Variants in TRMT9B observed in about 807,000 individuals in gnomAD.
TRMT9B encodes probable tRNA methyltransferase 9B.
A neutral mutation model predicts 11.5 loss-of-function variants in TRMT9B; 16 were observed. That is an observed-to-expected ratio of 1.39 (90% CI 0.94 to 2.11). The LOEUF (loss-of-function observed/expected upper bound fraction) is 2.11. Among genes scored for constraint, TRMT9B ranks in the 30% most tolerant of loss-of-function variants. The pLI, the probability that TRMT9B is intolerant of heterozygous loss-of-function variation, is 0.00. For synonymous variants in TRMT9B, 274 were observed against 192.4 expected (o/e 1.42, Z -3.51); for missense variants, 941 against 553.8 (o/e 1.70, Z -7.02).
chr8:12,987,132 G>A (rs750757765), intron 1 of TRMT9B, among the ~76,000 whole-genome samples: 5 of 152,134 alleles, frequency 3.3e-5, no homozygotes, highest in Non-Finnish European at 5.9e-5. Context: ...GAGTGCGAAC[G>A]CTAGGGTCAA....
At position 13,021,779 on chromosome 8, in the gene TRMT9B, A is replaced by G. The variant is rs752068884; in HGVS notation, c.1100A>G (p.Asp367Gly). ...VNCVDAGNIE[D>G]DNPSASKILR... ...TGTGTGGATGCAGGCAACATAGAAG[A>G]TGATAATCCTTCTGCTAGTAAAATA... is the stretch of plus-strand genomic sequence containing the variant. Residue 367 changes from aspartate (D) to glycine (G), a missense_variant, in exon 5 of 5, where the codon GAT (aspartate) becomes GGT (glycine). By Grantham distance (94) the Asp-to-Gly change is moderately conservative. Coordinates refer to ENST00000524591, the MANE Select transcript of TRMT9B (RefSeq NM_020844.3). 3.7e-6 allele frequency: 6 copies of G among 1,613,956 alleles called. No homozygotes were observed. Among genetic ancestry groups the G allele is most frequent in the Non-Finnish European group, 8.5e-7 (1 of 1,179,884 alleles).
chr8:12,948,028 T>C (rs904705553), intron 1 of TRMT9B, among the ~76,000 whole-genome samples: 3 of 152,208 alleles, frequency 2.0e-5, no homozygotes, highest in Non-Finnish European at 2.9e-5. Context: ...AGAAAGGTCA[T>C]AATAATATTA....
chr8:12,947,383 T>C (rs1170575762), intron 1 of TRMT9B, among the ~76,000 whole-genome samples: 1 of 152,174 alleles, frequency 6.6e-6, no homozygotes, highest in Non-Finnish European at 1.5e-5. Context: ...ACTAAAAAAA[T>C]ATGGGATGAC....
intron 2 of TRMT9B, among the ~76,000 whole-genome samples, chr8:12,991,748 C>G (rs2946484): frequency 0.037 from 5,656 of 152,154 alleles, 124 homozygotes; most frequent in African/African-American, 0.061. Flanking sequence ...GCCTGGCCAA[C>G]ATGGTGACCC....
chr8:12,964,109 G>A (rs1401147458), intron 1 of TRMT9B, among the ~76,000 whole-genome samples: 1 of 152,258 alleles, frequency 6.6e-6, no homozygotes, highest in African/African-American at 2.4e-5. Flanking sequence ...TATGATCAAG[G>A]TAGAATATTG....
intron 1 of TRMT9B, among the ~76,000 whole-genome samples, chr8:12,976,511 G>A (rs902141011): frequency 1.3e-5 from 2 of 151,838 alleles, no homozygotes; most frequent in Non-Finnish European, 2.9e-5. Context: ...AGGCAGAAGC[G>A]GGCGGATCAC....
intron 1 of TRMT9B, among the ~76,000 whole-genome samples, chr8:12,965,070 A>T (rs1287467824): frequency 6.6e-6 from 1 of 152,218 alleles, no homozygotes; most frequent in Admixed American, 6.5e-5. Context: ...GGAAAGCTTA[A>T]AATGTCAAAC....
chr8:12,953,541 G>A (rs1043398854), intron 1 of TRMT9B, among the ~76,000 whole-genome samples: 1 of 152,012 alleles, frequency 6.6e-6, no homozygotes, highest in East Asian at 1.9e-4. Context: ...TAGTAGAGAG[G>A]GGGATTTCAC....
intron 1 of TRMT9B, among the ~76,000 whole-genome samples, chr8:12,975,798 A>G (rs1484769211): frequency 2.0e-5 from 3 of 152,168 alleles, no homozygotes; most frequent in African/African-American, 7.2e-5. Flanking sequence ...ATTTGGGGGC[A>G]TTCATTCCTT....
rs890354467 is a variant in TRMT9B at position 13,024,446 on chromosome 8, C to G, written c.*2402C>G. On this transcript the variant is annotated 3_prime_UTR_variant, in exon 5 of 5. Coordinates refer to ENST00000524591, the MANE Select transcript of TRMT9B (RefSeq NM_020844.3). ...AGTCAAAATGGTCTTACAACTCGGG[C>G]TTGACGGCCTTTGAATTATGAATGG... 6.0e-6 allele frequency: 1 copy of G among 167,126 alleles called. No individual in the cohort carries two copies. The highest frequency in any genetic ancestry group is 1.5e-5 in the Non-Finnish European group (1 of 68,140). The allele number at this position is 167,126 out of a possible 1,614,324, so 10.4% of individuals were successfully genotyped here.
chr8:12,995,212 T>G (rs183101218), intron 2 of TRMT9B, among the ~76,000 whole-genome samples: 238 of 152,344 alleles, frequency 1.6e-3, no homozygotes, highest in African/African-American at 5.6e-3. Context: ...GGCATTATTT[T>G]GGGTTTTAGT....
intron 1 of TRMT9B, among the ~76,000 whole-genome samples, chr8:12,974,220 G>A (rs563685955): frequency 5.3e-5 from 8 of 151,692 alleles, no homozygotes; most frequent in Admixed American, 2.0e-4. Flanking sequence ...TCTCCTTGCC[G>A]GCTCCCTTCA....
intron 1 of TRMT9B, among the ~76,000 whole-genome samples, chr8:12,979,015 T>C (rs1161842618): frequency 6.6e-6 from 1 of 152,194 alleles, no homozygotes; most frequent in Non-Finnish European, 1.5e-5. Context: ...ATATTTTTTC[T>C]CTGGAACATG....
At chr8:13,014,524 A>G (rs1812257780) in intron 4 of TRMT9B, among the ~76,000 whole-genome samples, 1 of 152,168 alleles carries the variant, frequency 6.6e-6, no homozygotes, top group East Asian at 1.9e-4. Flanking sequence ...TCTTATAAAT[A>G]GGCCATTAAG....
chr8:12,963,348 G>A (rs1010986532), intron 1 of TRMT9B, among the ~76,000 whole-genome samples: 1 of 152,138 alleles, frequency 6.6e-6, no homozygotes, highest in Admixed American at 6.5e-5. Context: ...CAGGAGAATT[G>A]CTTGAACCTG....
At chr8:13,012,138 C>T (rs1811726818) in intron 3 of TRMT9B, 3 of 985,658 alleles carry the variant, frequency 3.0e-6, no homozygotes, top group Non-Finnish European at 3.6e-6. Flanking sequence ...GACATCACCT[C>T]ATTAAATATT....
intron 3 of TRMT9B, among the ~76,000 whole-genome samples, chr8:13,007,925 T>C (rs998525893): frequency 6.6e-6 from 1 of 152,224 alleles, no homozygotes; most frequent in African/African-American, 2.4e-5. Context: ...AATGCCTATA[T>C]ATGATACACA....
intron 4 of TRMT9B, among the ~76,000 whole-genome samples, chr8:13,018,396 C>CAG (rs1813190954): frequency 7.5e-6 from 1 of 133,900 alleles, no homozygotes; most frequent in Non-Finnish European, 1.6e-5. Context: ...GACCCTGTCT[C>CAG]AAAAAAAAAA....
Position 13,025,391 on chromosome 8 carries a change from C to T in TRMT9B, c.*3347C>T, listed in dbSNP as rs887518046. 2 of 158,096 alleles carry T rather than the reference C, an allele frequency of 1.3e-5. No individual in the cohort carries two copies. The allele number at this position is 158,096 out of a possible 1,614,324, so 9.8% of individuals were successfully genotyped here. On this transcript the variant is annotated 3_prime_UTR_variant, in exon 5 of 5. Coordinates refer to ENST00000524591, the MANE Select transcript of TRMT9B (RefSeq NM_020844.3). ...AAATTAGCCAGGTTGGTGGCGCATGCCTGTAATCCCAGCTACTTGGGAGGC... is the reference window on the plus strand; with the variant it reads ...AAATTAGCCAGGTTGGTGGCGCATGTCTGTAATCCCAGCTACTTGGGAGGC...
Sources: gnomAD v4.1 joint callset for allele counts (sites outside exome capture counted in the v4.1 genomes callset) on GRCh38, gnomAD v4.1.1 for gene constraint, MANE v1.5 for transcripts, NCBI Gene and HGNC (gene_info 2026-07-23, HGNC 2026-07-21) for gene names.